PCDH15: variants seen among roughly 807,000 people sequenced by gnomAD.
PCDH15 encodes the protein protocadherin related 15.
PCDH15 carries 129 observed loss-of-function variants against 178.5 expected under a neutral mutation model. That is an observed-to-expected ratio of 0.72 (90% CI 0.63 to 0.84). PCDH15 has a LOEUF of 0.84. Ranked by LOEUF, PCDH15 falls within the 40% of genes least tolerant of loss-of-function variation. The probability of loss-of-function intolerance (pLI) is 0.00; values close to 1 mark genes in which losing one functional copy is unlikely to be tolerated. For missense variants in PCDH15, 2,230 were observed against 2,099.9 expected, an observed-to-expected ratio of 1.06 and a Z score of -1.21; for synonymous variants, 800 against 732.0, an observed-to-expected ratio of 1.09 and a Z score of -1.50.
intron 2 of PCDH15, among the ~76,000 whole-genome samples, chr10:55,115,613 G>T (rs978849042): frequency 1.3e-5 from 2 of 152,064 alleles, no homozygotes; most frequent in African/African-American, 4.8e-5. Context: ...GTTAAAATGG[G>T]CTGGAAAGTC....
At chr10:55,244,326 T>TA (rs930120231) in intron 1 of PCDH15, among the ~76,000 whole-genome samples, 5 of 151,664 alleles carry the variant, frequency 3.3e-5, no homozygotes, top group African/African-American at 1.2e-4. Context: ...TCTCTAGTGT[T>TA]AAAAAAAATA....
chr10:53,862,605 G>C (rs578217091), intron 27 of PCDH15, among the ~76,000 whole-genome samples: 1 of 152,132 alleles, frequency 6.6e-6, no homozygotes, highest in African/African-American at 2.4e-5. Context: ...CAAAGCTTCA[G>C]TATTATCATT....
intron 15 of PCDH15, 21 bp downstream of exon 15, chr10:54,132,854 C>CACAG (rs1225464089): frequency 1.9e-6 from 3 of 1,600,910 alleles, no homozygotes; most frequent in Non-Finnish European, 2.6e-6. Flanking sequence ...CACACACACA[C>CACAG]ACACACACCA....
chr10:55,399,922 T>G (rs1295816477), intron 2 of PCDH15, among the ~76,000 whole-genome samples: 5 of 152,158 alleles, frequency 3.3e-5, no homozygotes, highest in Admixed American at 3.3e-4. Flanking sequence ...TATTATTATT[T>G]TGGCATTTTG....
At chr10:54,119,329 T>C (rs2132834410) in intron 15 of PCDH15, among the ~76,000 whole-genome samples, 1 of 152,168 alleles carries the variant, frequency 6.6e-6, no homozygotes, top group Non-Finnish European at 1.5e-5. Flanking sequence ...TCAAAAAAAC[T>C]CTTGAAAAAT....
chr10:54,384,157 G>C (rs1249380828), intron 3 of PCDH15, among the ~76,000 whole-genome samples: 1 of 151,950 alleles, frequency 6.6e-6, no homozygotes, highest in East Asian at 1.9e-4. Flanking sequence ...TAAAATGTAT[G>C]TGAAAGATTG....
At chr10:54,695,793 C>A (rs529662950) in intron 1 of PCDH15, among the ~76,000 whole-genome samples, 3 of 152,060 alleles carry the variant, frequency 2.0e-5, no homozygotes, top group African/African-American at 7.2e-5. Context: ...GCCTGGATAA[C>A]AGCCCATATA....
rs11004850 is a variant in PCDH15 at position 55,426,074 on chromosome 10, T to C, written c.-156+201551A>G. 4.1e-4 allele frequency among the ~76,000 whole-genome samples: 63 copies of C among 152,256 alleles called. 1 individual carries two copies. The East Asian group carries it at 0.011, about 27-fold the overall frequency. On this transcript the variant is annotated intron_variant, in intron 2 of 5. Coordinates refer to the PCDH15 transcript ENST00000613346. Reference sequence around the variant, plus strand: ...CACTTTTTCAAGAAGTATAACACTATGGTAAAGTTTTTAAAGTAGGTAATC... The same window carrying C: ...CACTTTTTCAAGAAGTATAACACTACGGTAAAGTTTTTAAAGTAGGTAATC...
intron 2 of PCDH15, among the ~76,000 whole-genome samples, chr10:55,455,918 C>G (rs1839540595): frequency 6.6e-6 from 1 of 152,082 alleles, no homozygotes; most frequent in African/African-American, 2.4e-5. Flanking sequence ...CTGAGGCTGT[C>G]TTCTTACACC....
chr10:53,892,020 GTTT>G (rs869122093), intron 26 of PCDH15, among the ~76,000 whole-genome samples: 13 of 91,874 alleles, frequency 1.4e-4, no homozygotes, highest in Middle Eastern at 7.6e-3. Context: ...TTACATCTAT[GTTT>G]TTTTTTTTTT....
At chr10:54,529,321 C>T (rs1275181009) in intron 2 of PCDH15, among the ~76,000 whole-genome samples, 2 of 152,032 alleles carry the variant, frequency 1.3e-5, no homozygotes. Flanking sequence ...TCCTACAGAG[C>T]CCAGCACTAC....
At chr10:55,362,837 A>G (rs1474434092) in intron 2 of PCDH15, among the ~76,000 whole-genome samples, 1 of 152,078 alleles carries the variant, frequency 6.6e-6, no homozygotes, top group Non-Finnish European at 1.5e-5. Context: ...CTTTATCTCT[A>G]TAATTTGGTC....
chr10:54,036,090 T>C lies in PCDH15; in HGVS notation c.2221-12893A>G, dbSNP rs1260735487. On this transcript the variant is annotated intron_variant, in intron 18 of 37. Coordinates refer to ENST00000644397, the MANE Select transcript of PCDH15 (RefSeq NM_001384140.1). ...AAGAAAAGTCTGAAGCTAGTAGAGG[T>C]GGGTTCATGAAATTTAAGGGAAAAA... 2.0e-5 allele frequency among the ~76,000 whole-genome samples: 3 copies of C among 151,674 alleles called. No individual in the cohort carries two copies. In the East Asian group the frequency reaches 5.8e-4, roughly 29 times the overall value.
chr10:55,244,220 C>T (rs1208021425), intron 1 of PCDH15, among the ~76,000 whole-genome samples: 1 of 151,898 alleles, frequency 6.6e-6, no homozygotes, highest in African/African-American at 2.4e-5. Context: ...CTGTGTCTTG[C>T]ACTGCACTAC....
At chr10:53,964,357 A>C (rs937822688) in intron 21 of PCDH15, among the ~76,000 whole-genome samples, 1 of 83,962 alleles carries the variant, frequency 1.2e-5, no homozygotes, top group Non-Finnish European at 2.4e-5. Context: ...TGAATAAATA[A>C]TTTTTTATTT....
chr10:54,225,737 G>A (rs1003477573), intron 9 of PCDH15, among the ~76,000 whole-genome samples: 1 of 150,822 alleles, frequency 6.6e-6, no homozygotes, highest in Non-Finnish European at 1.5e-5. Flanking sequence ...ATAGTGAAAT[G>A]CACAGATCTT....
chr10:54,282,263 T>C (rs1395805801), intron 8 of PCDH15, among the ~76,000 whole-genome samples: 3 of 151,966 alleles, frequency 2.0e-5, no homozygotes, highest in African/African-American at 7.2e-5. Flanking sequence ...AATCACTGTT[T>C]TAGTAGGATC....
chr10:55,053,276 G>A (rs1313600474), intron 2 of PCDH15, among the ~76,000 whole-genome samples: 1 of 152,054 alleles, frequency 6.6e-6, no homozygotes, highest in Non-Finnish European at 1.5e-5. Context: ...TGCTCTGAAG[G>A]TCTAGAAGGG....
intron 21 of PCDH15, among the ~76,000 whole-genome samples, chr10:53,964,506 T>C (rs1017344582): frequency 8.1e-5 from 10 of 123,784 alleles, no homozygotes; most frequent in Non-Finnish European, 1.0e-4. Flanking sequence ...AAATTTTATT[T>C]ATAAATTTTA....
Sources: gnomAD v4.1 joint callset for allele counts (sites outside exome capture counted in the v4.1 genomes callset) on GRCh38, gnomAD v4.1.1 for gene constraint, MANE v1.5 for transcripts, NCBI Gene and HGNC (gene_info 2026-07-23, HGNC 2026-07-21) for gene names.